The following RAD51B variants were observed in gnomAD, a reference collection of about 807,000 sequenced individuals.
RAD51B encodes DNA repair protein RAD51 homolog 2.
RAD51B carries 38 observed loss-of-function variants against 42.2 expected under a neutral mutation model. The observed-to-expected ratio is 0.90, with a 90% CI of 0.70 to 1.18. The LOEUF is 1.18. Among genes scored for constraint, RAD51B ranks in the 50% most tolerant of loss-of-function variants. The pLI is 0.00. For synonymous variants in RAD51B, 154 were observed against 145.2 expected, an observed-to-expected ratio of 1.06 and a Z score of -0.43; for missense variants, 373 against 400.7, an observed-to-expected ratio of 0.93 and a Z score of 0.59.
intron 9 of RAD51B, among the ~76,000 whole-genome samples, chr14:68,448,405 G>A (rs1594853598): frequency 6.6e-6 from 1 of 152,210 alleles, no homozygotes; most frequent in East Asian, 1.9e-4. Flanking sequence ...TTTTTAACAT[G>A]TCATCTCCTG....
chr14:68,109,649 T>G (rs760953223), intron 7 of RAD51B, among the ~76,000 whole-genome samples: 30 of 151,932 alleles, frequency 2.0e-4, no homozygotes, highest in Non-Finnish European at 8.8e-5. Flanking sequence ...AGCAGTTATT[T>G]GGGGCCTGGA....
At chr14:67,992,460 G>A (rs148587222) in intron 7 of RAD51B, among the ~76,000 whole-genome samples, 1 of 152,190 alleles carries the variant, frequency 6.6e-6, no homozygotes, top group African/African-American at 2.4e-5. Flanking sequence ...TACCTTAAGG[G>A]TATGTGGTAA....
At chr14:68,219,496 G>A (rs1303650336) in intron 7 of RAD51B, among the ~76,000 whole-genome samples, 1 of 152,146 alleles carries the variant, frequency 6.6e-6, no homozygotes, top group Admixed American at 6.5e-5. Flanking sequence ...TGCAAGACCT[G>A]AAGACAGATC....
At chr14:68,274,569 A>G (rs1228235211) in intron 7 of RAD51B, among the ~76,000 whole-genome samples, 13 of 152,180 alleles carry the variant, frequency 8.5e-5, no homozygotes. Flanking sequence ...GGACCTAAAT[A>G]AGGTCCATAA....
At chr14:68,583,518 A>G (rs189126525) in intron 10 of RAD51B, among the ~76,000 whole-genome samples, 7 of 152,280 alleles carry the variant, frequency 4.6e-5, no homozygotes, top group African/African-American at 1.7e-4. Context: ...CACCTTCCTG[A>G]TATGGTGAAG....
At chr14:68,359,100 T>C (rs549989942) in intron 8 of RAD51B, among the ~76,000 whole-genome samples, 1 of 152,086 alleles carries the variant, frequency 6.6e-6, no homozygotes, top group South Asian at 2.1e-4. Flanking sequence ...TCTCTGAGTT[T>C]TATGATGCAT....
chr14:68,673,355 CACAT>C (rs1193778756), intron 11 of RAD51B, among the ~76,000 whole-genome samples: 1 of 151,754 alleles, frequency 6.6e-6, no homozygotes, highest in Admixed American at 6.6e-5. Context: ...TACATAAACA[CACAT>C]ACATAAACAC....
At chr14:67,945,588 A>G (rs908934397) in intron 7 of RAD51B, among the ~76,000 whole-genome samples, 2 of 152,118 alleles carry the variant, frequency 1.3e-5, no homozygotes, top group African/African-American at 4.8e-5. Context: ...CTCGTGCCTC[A>G]GCCTCCCGAG....
intron 7 of RAD51B, among the ~76,000 whole-genome samples, chr14:68,080,208 C>T (rs888188469): frequency 1.2e-4 from 19 of 152,146 alleles, no homozygotes; most frequent in Non-Finnish European, 2.5e-4. Context: ...GAAACAGTTG[C>T]TTCCTGTTTA....
chr14:68,046,033 G>T (rs1037730322), intron 7 of RAD51B, among the ~76,000 whole-genome samples: 3 of 152,156 alleles, frequency 2.0e-5, no homozygotes, highest in Non-Finnish European at 2.9e-5. Context: ...TAGGGAAATT[G>T]CAGAAGACCC....
chr14:68,436,808 G>T (rs1026383590), intron 9 of RAD51B, among the ~76,000 whole-genome samples: 2 of 151,982 alleles, frequency 1.3e-5, no homozygotes, highest in African/African-American at 4.8e-5. Flanking sequence ...TCTTGATTTG[G>T]CTCTGAGCTT....
chr14:68,333,088 C>T (rs2082381065), intron 8 of RAD51B, among the ~76,000 whole-genome samples: 7 of 152,192 alleles, frequency 4.6e-5, no homozygotes. Context: ...AATGCTCTCA[C>T]CCTTTCTGCC....
At chr14:68,309,476 G>A (rs372696240) in intron 8 of RAD51B, among the ~76,000 whole-genome samples, 3 of 152,130 alleles carry the variant, frequency 2.0e-5, no homozygotes, top group East Asian at 3.8e-4. Context: ...GAAAAATCAC[G>A]GAGAGGTAGA....
At chr14:67,877,586 T>G (rs2042768282) in intron 5 of RAD51B, among the ~76,000 whole-genome samples, 1 of 152,220 alleles carries the variant, frequency 6.6e-6, no homozygotes, top group African/African-American at 2.4e-5. Flanking sequence ...TAGATATTGT[T>G]TGTCAGTTTT....
intron 7 of RAD51B, among the ~76,000 whole-genome samples, chr14:68,197,847 GT>G (rs1235696921): frequency 3.3e-5 from 5 of 151,916 alleles, no homozygotes; most frequent in Admixed American, 1.3e-4. Context: ...TTTATTGTTG[GT>G]TTTGGAAGTT....
chr14:68,345,514 T>C (rs930869477), intron 8 of RAD51B, among the ~76,000 whole-genome samples: 2 of 152,108 alleles, frequency 1.3e-5, no homozygotes, highest in African/African-American at 4.8e-5. Context: ...ACTCTCAACT[T>C]GTGACATGCT....
intron 7 of RAD51B, among the ~76,000 whole-genome samples, chr14:68,128,250 CTATCTT>C (rs1348944984): frequency 2.6e-5 from 4 of 152,162 alleles, no homozygotes; most frequent in African/African-American, 9.7e-5. Flanking sequence ...TTTTGTGTCT[CTATCTT>C]TAGCTTAGAT....
At chr14:68,454,169 T>C (rs1199184815) in intron 9 of RAD51B, among the ~76,000 whole-genome samples, 26 of 152,230 alleles carry the variant, frequency 1.7e-4, no homozygotes, top group Admixed American at 1.7e-3. Context: ...ATCAGTTGTC[T>C]AGTGCTGTGA....
At chr14:67,942,384 T>C (rs1287149682) in intron 7 of RAD51B, among the ~76,000 whole-genome samples, 1 of 152,184 alleles carries the variant, frequency 6.6e-6, no homozygotes, top group East Asian at 1.9e-4. Flanking sequence ...AGTCCTATTA[T>C]GGAAATCACA....
Sources: allele counts gnomAD v4.1 joint callset (sites outside exome capture counted in the v4.1 genomes callset), GRCh38; gene constraint gnomAD v4.1.1; transcripts MANE v1.5; gene names NCBI Gene and HGNC (gene_info 2026-07-23, HGNC 2026-07-21).